Variants in SSH2 observed in about 807,000 individuals in gnomAD.
SSH2 encodes the protein protein phosphatase Slingshot homolog 2.
In SSH2, 37 loss-of-function variants were observed where a neutral mutation model predicts 135.2. That is an observed-to-expected ratio of 0.27 (90% CI 0.21 to 0.36). The LOEUF (loss-of-function observed/expected upper bound fraction) is 0.36, where lower values mean the gene tolerates loss of function less well. Ranked by LOEUF, SSH2 falls within the 10% of genes least tolerant of loss-of-function variation. The pLI, the probability that SSH2 is intolerant of heterozygous loss-of-function variation, is 1.00. For synonymous variants in SSH2, 628 were observed against 646.2 expected (o/e 0.97, Z 0.43); for missense variants, 1,408 against 1,765.3 (o/e 0.80, Z 3.63).
At chr17:29,648,612 A>C (rs2036471758) in intron 13 of SSH2, among the ~76,000 whole-genome samples, 1 of 152,216 alleles carries the variant, frequency 6.6e-6, no homozygotes, top group African/African-American at 2.4e-5. Context: ...AATATGTGTA[A>C]GGCAATGTGC....
intron 14 of SSH2, chr17:29,645,965 C>T (rs1293700294): frequency 3.9e-5 from 6 of 152,186 alleles, no homozygotes; most frequent in Non-Finnish European, 5.9e-5. Context: ...TCAGGGGAAA[C>T]ACAGTCCAGA....
intron 1 of SSH2, among the ~76,000 whole-genome samples, chr17:29,875,921 A>G (rs1216221792): frequency 6.6e-6 from 1 of 151,064 alleles, no homozygotes; most frequent in African/African-American, 2.4e-5. Context: ...GTAACTACGA[A>G]TTTGTACACA....
intron 2 of SSH2, among the ~76,000 whole-genome samples, chr17:29,819,941 T>C (rs968685684): frequency 6.6e-6 from 1 of 152,162 alleles, no homozygotes; most frequent in African/African-American, 2.4e-5. Context: ...TGGCCTGTAA[T>C]AAGGAAAGGT....
chr17:29,874,981 C>T (rs534160527), intron 1 of SSH2, among the ~76,000 whole-genome samples: 47 of 152,196 alleles, frequency 3.1e-4, no homozygotes, highest in African/African-American at 3.1e-4. Flanking sequence ...AACTATTTGC[C>T]GGTGAATCCC....
chr17:29,712,025 AT>A (rs1364264236), intron 3 of SSH2, among the ~76,000 whole-genome samples: 1 of 152,178 alleles, frequency 6.6e-6, no homozygotes, highest in Non-Finnish European at 1.5e-5. Context: ...GGTTTTATAC[AT>A]TTTAGGGAGA....
At chr17:29,698,356 A>G (rs2038844383) in intron 4 of SSH2, among the ~76,000 whole-genome samples, 1 of 152,216 alleles carries the variant, frequency 6.6e-6, no homozygotes, top group South Asian at 2.1e-4. Flanking sequence ...TGGTATGTGG[A>G]TTATATCTCA....
intron 1 of SSH2, among the ~76,000 whole-genome samples, chr17:29,899,615 T>C (rs1364180516): frequency 6.6e-6 from 1 of 152,014 alleles, no homozygotes; most frequent in East Asian, 1.9e-4. Flanking sequence ...AACCACTGCT[T>C]AAGGAAATAA....
chr17:29,701,315 C>T (rs1246427056), intron 4 of SSH2, among the ~76,000 whole-genome samples: 7 of 152,062 alleles, frequency 4.6e-5, no homozygotes, highest in South Asian at 4.2e-4. Context: ...CCATGTTAGC[C>T]AGGCTGGTCT....
intron 3 of SSH2, among the ~76,000 whole-genome samples, chr17:29,720,732 A>G (rs1706965428): frequency 6.6e-6 from 1 of 152,242 alleles, no homozygotes; most frequent in African/African-American, 2.4e-5. Context: ...TTGTTAAAAA[A>G]AAAAAATTAA....
chr17:29,680,551 CAAAAAA>C (rs1160865828), intron 6 of SSH2, among the ~76,000 whole-genome samples: 26 of 21,536 alleles, frequency 1.2e-3, no homozygotes, highest in African/African-American at 1.7e-3. Context: ...GACTCCCTCT[CAAAAAA>C]AAAAAAAAAA....
chr17:29,693,110 A>G (rs1258243994), intron 5 of SSH2, among the ~76,000 whole-genome samples: 1 of 151,828 alleles, frequency 6.6e-6, no homozygotes, highest in African/African-American at 2.4e-5. Flanking sequence ...CACTATGCCC[A>G]GCCAATTTTT....
Position 29,911,659 on chromosome 17 carries a change from T to C in SSH2, c.63+18279A>G, listed in dbSNP as rs2066767696. ...ATAAGAAATGGGAGGCTCAGAAAGATCAAGCAAACTTACCCCCAAAAAACA... is the reference window on the plus strand; with the variant it reads ...ATAAGAAATGGGAGGCTCAGAAAGACCAAGCAAACTTACCCCCAAAAAACA... On this transcript the variant is annotated intron_variant, in intron 1 of 15. Coordinates refer to ENST00000540801, the MANE Select transcript of SSH2 (RefSeq NM_001282129.2). Among the ~76,000 whole-genome samples the C allele has an allele frequency of 3.3e-5, 5 of 152,218 alleles. No homozygotes were observed. In the South Asian group the frequency reaches 1.0e-3, roughly 32 times the overall value.
intron 1 of SSH2, among the ~76,000 whole-genome samples, chr17:29,859,268 TG>T (rs1463703940): frequency 6.6e-6 from 1 of 152,206 alleles, no homozygotes; most frequent in East Asian, 1.9e-4. Context: ...CCTCCTTTCC[TG>T]GGTTCCTCTT....
chr17:29,903,069 C>G (rs977381138), intron 1 of SSH2, among the ~76,000 whole-genome samples: 1 of 151,654 alleles, frequency 6.6e-6, no homozygotes, highest in Non-Finnish European at 1.5e-5. Flanking sequence ...GCCTGTAGTC[C>G]CAGCTACCCA....
chr17:29,913,343 A>ATTATATAT lies in SSH2; in HGVS notation c.63+16594_63+16595insATATATAA, dbSNP rs2066804382. Among the ~76,000 whole-genome samples the ATTATATAT allele has an allele frequency of 2.3e-4, 10 of 43,440 alleles. 1 individual carries two copies. Among genetic ancestry groups the ATTATATAT allele is most frequent in the African/African-American group, 5.3e-4 (8 of 15,142 alleles). 28.5% of individuals were successfully genotyped at this position (43,440 alleles called of 152,430 possible). A position where few individuals can be genotyped will look rare whatever the true frequency, so the allele number is the denominator to read the frequency against. ...AAAAAAAAAAAAAAAAAAAAAAAAA[A>ATTATATAT]AAAAATATATATATATATATATATA... On this transcript the variant is annotated intron_variant, in intron 1 of 15. Transcript: ENST00000540801.
chr17:29,697,894 C>T (rs2038824694), intron 4 of SSH2, among the ~76,000 whole-genome samples: 1 of 152,074 alleles, frequency 6.6e-6, no homozygotes, highest in Non-Finnish European at 1.5e-5. Flanking sequence ...GTACACACAT[C>T]TATAATACAG....
At chr17:29,671,437 G>A (rs1189450239) in intron 9 of SSH2, among the ~76,000 whole-genome samples, 1 of 151,946 alleles carries the variant, frequency 6.6e-6, no homozygotes, top group Admixed American at 6.6e-5. Flanking sequence ...AGCTATGATT[G>A]TGCCACTGCA....
intron 2 of SSH2, among the ~76,000 whole-genome samples, chr17:29,828,436 C>T (rs537256365): frequency 6.6e-6 from 1 of 152,174 alleles, no homozygotes; most frequent in Non-Finnish European, 1.5e-5. Context: ...GCTTTAACCC[C>T]TCTTCCTAGT....
chr17:29,847,855 G>A (rs2043159006), intron 2 of SSH2, among the ~76,000 whole-genome samples: 1 of 152,130 alleles, frequency 6.6e-6, no homozygotes, highest in Non-Finnish European at 1.5e-5. Context: ...CCCTTTCCTA[G>A]AAAGTTCTAA....
Sources: gnomAD v4.1 joint callset for allele counts (sites outside exome capture counted in the v4.1 genomes callset) on GRCh38, gnomAD v4.1.1 for gene constraint, MANE v1.5 for transcripts, NCBI Gene and HGNC (gene_info 2026-07-23, HGNC 2026-07-21) for gene names.